The following PIGK variants were observed in gnomAD, a reference collection of about 807,000 sequenced individuals.
The protein encoded by PIGK is GPI-anchor transamidase.
PIGK carries 42 observed loss-of-function variants against 50.6 expected under a neutral mutation model. That is an observed-to-expected ratio of 0.83 (90% CI 0.65 to 1.07). PIGK has a LOEUF of 1.07. PIGK is among the 50% of genes least tolerant of loss of function. The probability of loss-of-function intolerance (pLI) is 0.00; values close to 1 mark genes in which losing one functional copy is unlikely to be tolerated. For missense variants in PIGK, 448 were observed against 488.7 expected (o/e 0.92, Z 0.78); for synonymous variants, 151 against 156.0 (o/e 0.97, Z 0.24).
In PIGK at chr1:77,114,501, T is replaced by A. The variant is rs1489436912; in HGVS notation, c.1071+7774A>T. Among the ~76,000 whole-genome samples the A allele has an allele frequency of 2.6e-5, 4 of 152,182 alleles. No homozygotes were observed. The East Asian group carries it at 7.7e-4, about 29-fold the overall frequency. On this transcript the variant is annotated intron_variant, in intron 10 of 10. Coordinates refer to ENST00000370812, the MANE Select transcript of PIGK (RefSeq NM_005482.3). ...ACAGGTATCTGTTTCTGCTTGGGAA[T>A]ACTTATGACTAGTGACACAATTTCC...
chr1:77,126,130 G>C (rs921282569), intron 9 of PIGK, among the ~76,000 whole-genome samples: 31 of 152,078 alleles, frequency 2.0e-4, no homozygotes, highest in African/African-American at 7.5e-4. Flanking sequence ...GCAATTGCTT[G>C]TTTAATATAG....
intron 9 of PIGK, among the ~76,000 whole-genome samples, chr1:77,146,485 G>C (rs1429177031): frequency 6.6e-6 from 1 of 151,944 alleles, no homozygotes; most frequent in Non-Finnish European, 1.5e-5. Context: ...AACATAGCAA[G>C]ACCCTGTCTC....
intron 1 of PIGK, among the ~76,000 whole-genome samples, chr1:77,218,688 C>T (rs1656643943): frequency 6.6e-6 from 1 of 152,078 alleles, no homozygotes; most frequent in Non-Finnish European, 1.5e-5. Context: ...AGATTGTAGA[C>T]CGGGACTGAG....
intron 3 of PIGK, among the ~76,000 whole-genome samples, chr1:77,181,563 A>T (rs992338297): frequency 6.6e-6 from 1 of 152,158 alleles, no homozygotes; most frequent in African/African-American, 2.4e-5. Context: ...AGCATTGTTT[A>T]GCTACTAGAG....
intron 9 of PIGK, among the ~76,000 whole-genome samples, chr1:77,146,921 ACT>A (rs1654782571): frequency 1.3e-5 from 2 of 152,038 alleles, no homozygotes; most frequent in South Asian, 2.1e-4. Flanking sequence ...GTGAGCTATG[ACT>A]CTGCATAGGC....
intron 1 of PIGK, among the ~76,000 whole-genome samples, chr1:77,216,872 C>A (rs533126948): frequency 4.1e-4 from 63 of 152,186 alleles, no homozygotes; most frequent in Non-Finnish European, 8.7e-4. Context: ...TTCTTTCAGA[C>A]CTTAGTGAAA....
intron 10 of PIGK, among the ~76,000 whole-genome samples, chr1:77,108,653 G>A (rs1427034581): frequency 6.6e-6 from 1 of 152,086 alleles, no homozygotes; most frequent in East Asian, 1.9e-4. Context: ...GCTAGGCTGG[G>A]GAAGTTCTCC....
intron 10 of PIGK, among the ~76,000 whole-genome samples, chr1:77,118,543 T>C (rs954527233): frequency 2.0e-5 from 3 of 152,262 alleles, no homozygotes; most frequent in Non-Finnish European, 4.4e-5. Flanking sequence ...GCCACAATTT[T>C]CATGCTTAGA....
At chr1:77,191,800 C>G (rs997468203) in intron 3 of PIGK, among the ~76,000 whole-genome samples, 2 of 152,074 alleles carry the variant, frequency 1.3e-5, no homozygotes, top group African/African-American at 2.4e-5. Context: ...CCAAGGTGGG[C>G]GGATCGCTTG....
chr1:77,140,043 T>C (rs886279266), intron 9 of PIGK, among the ~76,000 whole-genome samples: 9 of 152,186 alleles, frequency 5.9e-5, no homozygotes, highest in African/African-American at 1.9e-4. Flanking sequence ...TATTTTTATA[T>C]CTGATATAGT....
At chr1:77,176,682 T>A (rs1655497109) in intron 3 of PIGK, among the ~76,000 whole-genome samples, 1 of 152,128 alleles carries the variant, frequency 6.6e-6, no homozygotes, top group African/African-American at 2.4e-5. Flanking sequence ...TGAATACAGG[T>A]TCCTGATAAC....
intron 3 of PIGK, among the ~76,000 whole-genome samples, chr1:77,176,604 C>G (rs1489972112): frequency 3.3e-5 from 5 of 152,100 alleles, no homozygotes; most frequent in Admixed American, 1.3e-4. Context: ...GACAAGCACA[C>G]AAAATCCTAG....
chr1:77,090,404 T>C lies in PIGK; in HGVS notation c.*1970A>G, dbSNP rs1468111638. The C allele has an allele frequency of 6.6e-6, 1 of 152,222 alleles. No homozygotes were observed. Among genetic ancestry groups the C allele is most frequent in the Non-Finnish European group, 1.5e-5 (1 of 68,032 alleles). 9.4% of individuals were successfully genotyped at this position (152,222 alleles called of 1,614,324 possible). A position where few individuals can be genotyped will look rare whatever the true frequency, so the allele number is the denominator to read the frequency against. Reference sequence around the variant, plus strand: ...TAAGCTTTTGGCTTTAACTATATTCTGAAGATTCAATAATGAAACAGAGGA... The same window carrying C: ...TAAGCTTTTGGCTTTAACTATATTCCGAAGATTCAATAATGAAACAGAGGA... On this transcript the variant is annotated 3_prime_UTR_variant, in exon 11 of 11. Transcript: ENST00000370812.
intron 9 of PIGK, among the ~76,000 whole-genome samples, chr1:77,146,382 C>G (rs1241376630): frequency 6.6e-6 from 1 of 152,140 alleles, no homozygotes; most frequent in Non-Finnish European, 1.5e-5. Context: ...GAAAATGAGG[C>G]TTGGCACCAC....
chr1:77,219,230 C>T, intron 1 of PIGK, 80 bp downstream of exon 1: 1 of 1,202,176 alleles, frequency 8.3e-7, no homozygotes, highest in Non-Finnish European at 1.2e-6. Context: ...GGAGGCGTCC[C>T]TCAGCTACTG....
rs1169910570 is a variant in PIGK, at chr1:77,161,523, G to T, written c.702+71C>A. 3.2e-6 allele frequency: 3 copies of T among 949,308 alleles called. No individual in the cohort carries two copies. In the South Asian group the frequency reaches 3.9e-5, roughly 12 times the overall value. The allele number at this position is 949,308 out of a possible 1,614,324, so 58.8% of individuals were successfully genotyped here. ...AAGAAAGAACAGATACATTCATAAA[G>T]CATTTAATTGGTTTCAGAAATAGCT... On this transcript the variant is annotated intron_variant, in intron 7 of 10. Transcript: ENST00000370812.
intron 9 of PIGK, among the ~76,000 whole-genome samples, chr1:77,147,612 T>TA (rs971054963): frequency 7.9e-5 from 12 of 152,228 alleles, no homozygotes; most frequent in African/African-American, 2.9e-4. Context: ...GTAACCTCAG[T>TA]AAAAGGTTTT....
At chr1:77,190,121 C>T (rs915857819) in intron 3 of PIGK, among the ~76,000 whole-genome samples, 10 of 151,938 alleles carry the variant, frequency 6.6e-5, no homozygotes, top group Admixed American at 4.6e-4. Context: ...GGCATAGTGG[C>T]TCATGCCTGT....
At chr1:77,133,912 C>T (rs141942006) in intron 9 of PIGK, among the ~76,000 whole-genome samples, 1 of 152,212 alleles carries the variant, frequency 6.6e-6, no homozygotes, top group Admixed American at 6.5e-5. Flanking sequence ...GCCAGCCTCA[C>T]TGAACTGCCA....
Sources: allele counts gnomAD v4.1 joint callset (sites outside exome capture counted in the v4.1 genomes callset), GRCh38; gene constraint gnomAD v4.1.1; transcripts MANE v1.5; gene names NCBI Gene and HGNC (gene_info 2026-07-23, HGNC 2026-07-21).